Variants in RFTN2 observed in about 807,000 individuals in gnomAD.
RFTN2 encodes the protein raftlin-2.
Under a neutral mutation model 52.7 loss-of-function variants are expected in RFTN2, and 34 were observed. The observed-to-expected ratio is 0.64, with a 90% CI of 0.49 to 0.86. The LOEUF (loss-of-function observed/expected upper bound fraction) is 0.86. Ranked by LOEUF, RFTN2 falls within the 40% of genes least tolerant of loss-of-function variation. The pLI is 0.00. For synonymous variants in RFTN2, 203 were observed against 217.7 expected (o/e 0.93, Z 0.59); for missense variants, 536 against 600.1 (o/e 0.89, Z 1.12).
At chr2:197,674,047 A>G in intron 1 of RFTN2, among the ~76,000 whole-genome samples, 1 of 152,236 alleles carries the variant, frequency 6.6e-6, no homozygotes, top group African/African-American at 2.4e-5. Context: ...TTGAAAAAGT[A>G]TAGAAAAAAT....
rs1027105951 is a variant in RFTN2, at chr2:197,631,137, T to C, written c.802A>G (p.Met268Val). The change falls in exon 5 of 9, where the codon ATG becomes GTG. Residue 268 changes from methionine (M) to valine (V), a missense_variant. Met to Val is a conservative substitution (Grantham distance 21). Transcript: ENST00000295049. The part of the protein sequence containing the change: ...SWAYQEGILS[M>V]KVTRKGSVIS... ...ACTGATCCTTTTCTTGTTACTTTCA[T>C]TGACAGGATGCCTTCCTGATAGGCC... 1 of 1,613,602 alleles carries C rather than the reference T, an allele frequency of 6.2e-7. No homozygotes were observed.
intron 8 of RFTN2, among the ~76,000 whole-genome samples, chr2:197,593,215 A>G (rs1444153217): frequency 1.3e-5 from 2 of 152,172 alleles, no homozygotes; most frequent in African/African-American, 4.8e-5. Flanking sequence ...AAGAAAAGCT[A>G]TGACTAGAGA....
At chr2:197,631,885 G>A (rs529821917) in intron 4 of RFTN2, among the ~76,000 whole-genome samples, 19 of 152,224 alleles carry the variant, frequency 1.2e-4, no homozygotes, top group South Asian at 4.1e-4. Context: ...AACATCACCG[G>A]TATGACAGAC....
chr2:197,573,732 G>A (rs1482781127), intron 8 of RFTN2, among the ~76,000 whole-genome samples: 1 of 152,220 alleles, frequency 6.6e-6, no homozygotes, highest in Non-Finnish European at 1.5e-5. Flanking sequence ...CAAGCCTGGA[G>A]GCCTAGGAGG....
chr2:197,599,219 G>A (rs1374770368), intron 7 of RFTN2, among the ~76,000 whole-genome samples: 1 of 152,044 alleles, frequency 6.6e-6, no homozygotes, highest in Non-Finnish European at 1.5e-5. Context: ...GATTACAAGC[G>A]TGAGCCACCG....
At chr2:197,661,546 C>T (rs1457374341) in intron 1 of RFTN2, among the ~76,000 whole-genome samples, 1 of 152,076 alleles carries the variant, frequency 6.6e-6, no homozygotes, top group African/African-American at 2.4e-5. Context: ...TGTTGGTGTA[C>T]ACTTAGGTTG....
chr2:197,583,626 T>G (rs74710388), intron 8 of RFTN2, among the ~76,000 whole-genome samples: 2 of 141,484 alleles, frequency 1.4e-5, no homozygotes, highest in African/African-American at 5.4e-5. Context: ...CAGTACTTCT[T>G]TTTTTTTTTT....
chr2:197,594,272 C>A (rs537411865), intron 8 of RFTN2, among the ~76,000 whole-genome samples: 104 of 152,106 alleles, frequency 6.8e-4, no homozygotes, highest in Admixed American at 1.2e-3. Flanking sequence ...CTTCCGCCTC[C>A]CAGAGTGCTG....
At chr2:197,586,413 C>T (rs1378939461) in intron 8 of RFTN2, among the ~76,000 whole-genome samples, 3 of 152,212 alleles carry the variant, frequency 2.0e-5, no homozygotes, top group South Asian at 4.1e-4. Context: ...CACTCCTTCT[C>T]ATCTTTTTAC....
At chr2:197,575,831 A>ATATACATAAT (rs1559335210) in intron 8 of RFTN2, among the ~76,000 whole-genome samples, 2 of 60,500 alleles carry the variant, frequency 3.3e-5, no homozygotes, top group African/African-American at 1.1e-4. Flanking sequence ...TTCTATATAT[A>ATATACATAAT]ATATATTATA....
intron 8 of RFTN2, among the ~76,000 whole-genome samples, 173 bp from the exon 9 acceptor site, chr2:197,572,453 C>T (rs985973417): frequency 6.6e-6 from 1 of 152,172 alleles, no homozygotes. Flanking sequence ...CCCCTCTCCA[C>T]CCAAATACAA....
intron 8 of RFTN2, among the ~76,000 whole-genome samples, chr2:197,575,392 T>A (rs2087395009): frequency 6.6e-6 from 1 of 152,248 alleles, no homozygotes; most frequent in Non-Finnish European, 1.5e-5. Flanking sequence ...GTGTCTAGAA[T>A]GTCTTCAAGG....
chr2:197,620,899 G>A (rs2088252874), intron 5 of RFTN2, among the ~76,000 whole-genome samples: 1 of 152,226 alleles, frequency 6.6e-6, no homozygotes, highest in African/African-American at 2.4e-5. Flanking sequence ...CCGGGAGGGG[G>A]AGATTGCGGT....
At chr2:197,590,697 C>T (rs534437712) in intron 8 of RFTN2, among the ~76,000 whole-genome samples, 6 of 152,178 alleles carry the variant, frequency 3.9e-5, no homozygotes, top group African/African-American at 7.2e-5. Context: ...CTGGTGGGTT[C>T]GTGGTCTCGC....
At chr2:197,588,127 AAAAC>A (rs2087631242) in intron 8 of RFTN2, 1 of 409,814 alleles carries the variant, frequency 2.4e-6, no homozygotes, top group Non-Finnish European at 4.9e-6. Flanking sequence ...AAATGTGACA[AAAAC>A]AAAGAAAAAA....
rs148541510 is a variant in RFTN2, at chr2:197,645,041, G to T, written c.324-769C>A. Among the ~76,000 whole-genome samples the T allele has an allele frequency of 4.9e-3, 749 of 152,138 alleles. 3 individuals are homozygous for T. The highest frequency in any genetic ancestry group is 0.017 in the African/African-American group (720 of 41,510). The stretch of plus-strand genomic sequence containing the variant: ...TGCTTAGCCCTCTCTTAAAGTGATT[G>T]TTGTTGATCCATCACTGTAAAGAGA... On this transcript the variant is annotated intron_variant, in intron 2 of 8. Coordinates refer to ENST00000295049, the MANE Select transcript of RFTN2 (RefSeq NM_144629.3).
chr2:197,621,615 C>T (rs79224860), intron 5 of RFTN2, among the ~76,000 whole-genome samples: 1,708 of 151,958 alleles, frequency 0.011, 28 homozygotes, highest in African/African-American at 0.039. Flanking sequence ...TTGTTTTGGG[C>T]CACCGGGAAC....
intron 7 of RFTN2, among the ~76,000 whole-genome samples, chr2:197,611,118 C>A (rs1409936921): frequency 2.6e-5 from 4 of 152,114 alleles, no homozygotes; most frequent in African/African-American, 9.7e-5. Context: ...CAGGATGATG[C>A]TGGCCTCAAA....
chr2:197,652,874 G>C (rs983644866), intron 1 of RFTN2, among the ~76,000 whole-genome samples: 1 of 152,124 alleles, frequency 6.6e-6, no homozygotes, highest in Non-Finnish European at 1.5e-5. Context: ...ACTGAAGGGG[G>C]CAGGGGAAAT....
Sources: allele counts gnomAD v4.1 joint callset (sites outside exome capture counted in the v4.1 genomes callset), GRCh38; gene constraint gnomAD v4.1.1; transcripts MANE v1.5; gene names NCBI Gene and HGNC (gene_info 2026-07-23, HGNC 2026-07-21).